The following TRIQK variants were observed in gnomAD, a reference collection of about 807,000 sequenced individuals.
The protein encoded by TRIQK is triple QxxK/R motif containing, also known as triple QxxK/R motif-containing protein.
In TRIQK, 10 loss-of-function variants were observed where a neutral mutation model predicts 10.8. The ratio of observed to expected loss-of-function variants is 0.92; its 90% CI spans 0.57 to 1.57. The LOEUF (loss-of-function observed/expected upper bound fraction) is 1.57, where lower values mean the gene tolerates loss of function less well. Ranked by LOEUF, TRIQK falls within the 40% of genes most tolerant of loss-of-function variation. TRIQK has a pLI of 0.00. For synonymous variants in TRIQK, 33 were observed against 33.7 expected, an observed-to-expected ratio of 0.98 and a Z score of 0.07; for missense variants, 107 against 97.7, an observed-to-expected ratio of 1.09 and a Z score of -0.40.
At chr8:93,009,749 A>G (rs1185551904) in intron 1 of TRIQK, among the ~76,000 whole-genome samples, 3 of 152,152 alleles carry the variant, frequency 2.0e-5, no homozygotes, top group Admixed American at 1.3e-4. Flanking sequence ...AAATAGAACT[A>G]CAGTATGATC....
At chr8:92,911,479 TAG>T (rs1034747244) in intron 3 of TRIQK, among the ~76,000 whole-genome samples, 10 of 151,534 alleles carry the variant, frequency 6.6e-5, no homozygotes, top group African/African-American at 1.7e-4. Flanking sequence ...TCAAAATATA[TAG>T]AGTGTCTCAA....
At chr8:92,918,728 T>A (rs1312711389) in intron 2 of TRIQK, among the ~76,000 whole-genome samples, 1 of 151,916 alleles carries the variant, frequency 6.6e-6, no homozygotes, top group Non-Finnish European at 1.5e-5. Context: ...CTTGATGTAA[T>A]CCTATGTGTC....
intron 3 of TRIQK, among the ~76,000 whole-genome samples, chr8:92,915,658 A>ATTTTT (rs11400309): frequency 1.4e-5 from 2 of 142,496 alleles, no homozygotes; most frequent in South Asian, 2.3e-4. Flanking sequence ...CGCCCGGCTA[A>ATTTTT]TTTTTTTTTT....
At chr8:92,984,136 A>G (rs892381974) in intron 1 of TRIQK, among the ~76,000 whole-genome samples, 3 of 152,116 alleles carry the variant, frequency 2.0e-5, no homozygotes, top group Non-Finnish European at 2.9e-5. Context: ...TTGAAAATAT[A>G]CTATAATACT....
intron 1 of TRIQK, among the ~76,000 whole-genome samples, chr8:93,015,362 GT>G (rs1173888535): frequency 6.7e-6 from 1 of 150,230 alleles, no homozygotes; most frequent in Non-Finnish European, 1.5e-5. Flanking sequence ...CTGCAAGCAT[GT>G]TTTATTTTTT....
upstream of TRIQK, among the ~76,000 whole-genome samples, chr8:92,967,819 C>T (rs1812815541): frequency 1.3e-5 from 1 of 79,746 alleles, no homozygotes; most frequent in African/African-American, 4.3e-5. Flanking sequence ...GGGACTCCAT[C>T]TCAAAAAAAA....
chr8:92,887,565 T>C (rs1816552764), intron 4 of TRIQK, among the ~76,000 whole-genome samples: 1 of 150,584 alleles, frequency 6.6e-6, no homozygotes, highest in African/African-American at 2.4e-5. Context: ...TTTGACTAAA[T>C]CAAAAAAGAA....
At chr8:92,961,788 C>T (rs190723282) in intron 1 of TRIQK, among the ~76,000 whole-genome samples, 2 of 152,244 alleles carry the variant, frequency 1.3e-5, no homozygotes, top group Admixed American at 1.3e-4. Context: ...TTGTTCAATA[C>T]AATTGGTCTG....
chr8:92,988,000 CTTTTTTTTT>C (rs549776227), intron 1 of TRIQK, among the ~76,000 whole-genome samples: 5 of 57,582 alleles, frequency 8.7e-5, no homozygotes, highest in Non-Finnish European at 1.2e-4. Context: ...TTTATACTTT[CTTTTTTTTT>C]TTTTTTTTTT....
chr8:92,994,563 CTTAAT>C (rs1486881520), intron 1 of TRIQK, among the ~76,000 whole-genome samples: 2 of 151,732 alleles, frequency 1.3e-5, no homozygotes, highest in East Asian at 3.9e-4. Context: ...ATGCTTACCA[CTTAAT>C]TTATTTTATT....
chr8:92,917,959 ATGAG>A (rs1355897226), intron 2 of TRIQK, among the ~76,000 whole-genome samples: 4 of 152,016 alleles, frequency 2.6e-5, no homozygotes, highest in Non-Finnish European at 5.9e-5. Flanking sequence ...GCTCTCACAA[ATGAG>A]TGAGAAAAAG....
intron 3 of TRIQK, among the ~76,000 whole-genome samples, chr8:92,900,485 T>C (rs1023189618): frequency 2.6e-5 from 4 of 152,132 alleles, no homozygotes; most frequent in Non-Finnish European, 5.9e-5. Context: ...AGTACCATTT[T>C]TTGAAGAGAC....
At chr8:92,888,629 T>C (rs901487746) in intron 4 of TRIQK, among the ~76,000 whole-genome samples, 1 of 151,474 alleles carries the variant, frequency 6.6e-6, no homozygotes, top group Admixed American at 6.6e-5. Flanking sequence ...TAACCATAAC[T>C]TAGAGACCTA....
intron 3 of TRIQK, among the ~76,000 whole-genome samples, chr8:92,905,765 A>G (rs1263248335): frequency 6.6e-6 from 1 of 152,114 alleles, no homozygotes; most frequent in Non-Finnish European, 1.5e-5. Flanking sequence ...TGAGACATAG[A>G]AGCAACCCTT....
intron 1 of TRIQK, among the ~76,000 whole-genome samples, chr8:92,998,669 T>C (rs910666967): frequency 6.6e-6 from 1 of 152,086 alleles, no homozygotes; most frequent in Non-Finnish European, 1.5e-5. Context: ...TCAAATAAAA[T>C]GTTAATTTCA....
chr8:92,984,641 A>G (rs928763644), intron 1 of TRIQK, among the ~76,000 whole-genome samples: 1 of 152,136 alleles, frequency 6.6e-6, no homozygotes, highest in African/African-American at 2.4e-5. Context: ...ATAAATCATC[A>G]CTTATTTAAC....
intron 1 of TRIQK, chr8:92,973,715 G>GTGGGAGAAGGAGAAGGAATAGCT (rs1812899717): frequency 1.3e-5 from 2 of 152,236 alleles, no homozygotes; most frequent in African/African-American, 4.8e-5. Context: ...TTGGTGCAAA[G>GTGGGAGAAGGAGAAGGAATAGCT]TGGGAGAAGG....
At chr8:92,993,170 A>G (rs570768623) in intron 1 of TRIQK, among the ~76,000 whole-genome samples, 1 of 152,196 alleles carries the variant, frequency 6.6e-6, no homozygotes, top group East Asian at 1.9e-4. Context: ...TTCTGGTGCA[A>G]ATGAAGTGAG....
At chr8:92,951,801 A>AC (rs1811924070) in intron 2 of TRIQK, among the ~76,000 whole-genome samples, 1 of 151,944 alleles carries the variant, frequency 6.6e-6, no homozygotes, top group South Asian at 2.1e-4. Flanking sequence ...GGAAAGGAAA[A>AC]CCCCCAACTC....
Sources: gnomAD v4.1 joint callset for allele counts (sites outside exome capture counted in the v4.1 genomes callset) on GRCh38, gnomAD v4.1.1 for gene constraint, MANE v1.5 for transcripts, NCBI Gene and HGNC (gene_info 2026-07-23, HGNC 2026-07-21) for gene names.